Variants in SLC2A13 observed in about 807,000 individuals in gnomAD.
The protein encoded by SLC2A13 is solute carrier family 2 member 13, also known as proton myo-inositol cotransporter.
SLC2A13 carries 32 observed loss-of-function variants against 64.4 expected under a neutral mutation model. The ratio of observed to expected loss-of-function variants is 0.50; its 90% CI spans 0.37 to 0.67. The LOEUF is 0.67. Ranked by LOEUF, SLC2A13 falls within the 30% of genes least tolerant of loss-of-function variation. SLC2A13 has a pLI of 0.00. For missense variants in SLC2A13, 743 were observed against 829.2 expected, an observed-to-expected ratio of 0.90 and a Z score of 1.28; for synonymous variants, 338 against 327.1, an observed-to-expected ratio of 1.03 and a Z score of -0.36.
At chr12:39,760,650 G>A (rs1940101048) in intron 9 of SLC2A13, among the ~76,000 whole-genome samples, 1 of 151,796 alleles carries the variant, frequency 6.6e-6, no homozygotes, top group Non-Finnish European at 1.5e-5. Flanking sequence ...TTACACTAGA[G>A]GCACTTTGAG....
chr12:40,024,664 G>A (rs537021621), intron 3 of SLC2A13, among the ~76,000 whole-genome samples: 114 of 152,148 alleles, frequency 7.5e-4, no homozygotes, highest in African/African-American at 2.6e-3. Flanking sequence ...TATCCAATGA[G>A]AATGGACCAG....
At chr12:39,868,114 C>T (rs959997210) in intron 5 of SLC2A13, among the ~76,000 whole-genome samples, 10 of 152,082 alleles carry the variant, frequency 6.6e-5, no homozygotes, top group Admixed American at 3.3e-4. Flanking sequence ...TGGTTATTGT[C>T]AAGTTATTCA....
Position 39,926,352 on chromosome 12 carries a change from G to A in SLC2A13, c.1034+24905C>T, listed in dbSNP as rs538817741. Among the ~76,000 whole-genome samples the A allele has an allele frequency of 3.9e-5, 6 of 152,088 alleles. No individual in the cohort carries two copies. The South Asian group carries it at 1.0e-3, about 26-fold the overall frequency. Reference sequence around the variant, plus strand: ...GTTTACAGCCTCAGAAAGATCCAAGGCATGTTATCATATGTGCCTTCAAGA... The same window carrying A: ...GTTTACAGCCTCAGAAAGATCCAAGACATGTTATCATATGTGCCTTCAAGA... On this transcript the variant is annotated intron_variant, in intron 4 of 9. Coordinates refer to ENST00000280871, the MANE Select transcript of SLC2A13 (RefSeq NM_052885.4).
intron 2 of SLC2A13, among the ~76,000 whole-genome samples, chr12:40,042,624 G>C (rs1443588912): frequency 6.6e-6 from 1 of 152,016 alleles, no homozygotes; most frequent in Non-Finnish European, 1.5e-5. Flanking sequence ...TGCTAACTAA[G>C]AGTCCCTTCC....
chr12:40,048,619 C>T (rs1948204993), intron 1 of SLC2A13, among the ~76,000 whole-genome samples: 1 of 152,082 alleles, frequency 6.6e-6, no homozygotes, highest in South Asian at 2.1e-4. Context: ...TCTTAGGATA[C>T]ATATTAACTA....
chr12:39,769,634 C>G (rs1226868545), intron 7 of SLC2A13, among the ~76,000 whole-genome samples: 1 of 151,964 alleles, frequency 6.6e-6, no homozygotes, highest in Non-Finnish European at 1.5e-5. Flanking sequence ...GCATCTCATT[C>G]TCCTGCCTCC....
intron 2 of SLC2A13, among the ~76,000 whole-genome samples, chr12:40,043,850 G>A (rs945532624): frequency 6.6e-6 from 1 of 152,058 alleles, no homozygotes; most frequent in Non-Finnish European, 1.5e-5. Flanking sequence ...AATAACAAGT[G>A]TTTACTAGGA....
At chr12:40,024,597 A>G (rs929373969) in intron 3 of SLC2A13, among the ~76,000 whole-genome samples, 1 of 152,064 alleles carries the variant, frequency 6.6e-6, no homozygotes, top group Admixed American at 6.5e-5. Context: ...TTTCAAAGCA[A>G]TTACCATAAT....
rs1292179935 is a variant in SLC2A13, at chr12:39,757,436, T to C, written c.*2590A>G. The C allele has an allele frequency of 6.6e-6, 1 of 151,698 alleles. No individual in the cohort carries two copies. Among genetic ancestry groups the C allele is most frequent in the Non-Finnish European group, 1.5e-5 (1 of 67,678 alleles). The allele number at this position is 151,698 out of a possible 1,614,324, so 9.4% of individuals were successfully genotyped here. A position where few individuals can be genotyped will look rare whatever the true frequency, so the allele number is the denominator to read the frequency against. ...CTGGGAACTTAAAAGGTGCCTAATA[T>C]AAAAAAACCTGCAAAATTTAAACAT... On this transcript the variant is annotated 3_prime_UTR_variant, in exon 10 of 10. Coordinates refer to ENST00000280871, the MANE Select transcript of SLC2A13 (RefSeq NM_052885.4).
intron 6 of SLC2A13, among the ~76,000 whole-genome samples, chr12:39,862,190 A>C (rs1943781703): frequency 6.6e-6 from 1 of 152,154 alleles, no homozygotes; most frequent in South Asian, 2.1e-4. Context: ...AAAATATTCT[A>C]AAAAGGAGAT....
chr12:39,877,458 GA>G (rs1944216333), intron 4 of SLC2A13, among the ~76,000 whole-genome samples: 1 of 152,152 alleles, frequency 6.6e-6, no homozygotes, highest in Non-Finnish European at 1.5e-5. Flanking sequence ...GGTATTACAG[GA>G]GCTACAATTC....
At position 39,888,673 on chromosome 12, in the gene SLC2A13, ATTGT is replaced by A. The variant is rs1485008268; in HGVS notation, c.1035-16716_1035-16713del. Among the ~76,000 whole-genome samples the A allele has an allele frequency of 5.9e-5, 9 of 152,350 alleles. No homozygotes were observed. The East Asian group carries it at 1.5e-3, about 26-fold the overall frequency. On this transcript the variant is annotated intron_variant, in intron 4 of 9. Transcript: ENST00000280871. Reference sequence around the variant, plus strand: ...AGTACTAATTTCACTTTTTGTGAACATTGTTTGCTAATAATGTGATGTTTACAAT... The same window carrying A: ...AGTACTAATTTCACTTTTTGTGAACATTGCTAATAATGTGATGTTTACAAT...
intron 3 of SLC2A13, among the ~76,000 whole-genome samples, chr12:39,961,751 T>G (rs1946417561): frequency 6.6e-6 from 1 of 152,094 alleles, no homozygotes; most frequent in Non-Finnish European, 1.5e-5. Context: ...TCCTCCTGCC[T>G]CACCCTCCCA....
chr12:40,077,666 T>C (rs1938232376), intron 1 of SLC2A13, among the ~76,000 whole-genome samples: 1 of 152,192 alleles, frequency 6.6e-6, no homozygotes, highest in Non-Finnish European at 1.5e-5. Flanking sequence ...AATTTTAGAA[T>C]AGTTTTTTCT....
intron 2 of SLC2A13, among the ~76,000 whole-genome samples, chr12:40,042,395 A>G (rs1285229167): frequency 6.6e-6 from 1 of 152,196 alleles, no homozygotes; most frequent in Non-Finnish European, 1.5e-5. Context: ...AATCAGCATT[A>G]CCAAAGAGAA....
intron 4 of SLC2A13, among the ~76,000 whole-genome samples, chr12:39,901,990 C>G (rs1489564618): frequency 6.6e-6 from 1 of 151,998 alleles, no homozygotes; most frequent in Non-Finnish European, 1.5e-5. Context: ...GGCACATATA[C>G]ACCATGGAAT....
intron 3 of SLC2A13, among the ~76,000 whole-genome samples, chr12:39,951,716 T>G (rs1199146964): frequency 6.6e-6 from 1 of 152,198 alleles, no homozygotes; most frequent in Non-Finnish European, 1.5e-5. Context: ...TCAACTTTCT[T>G]GTCAATTAAG....
At chr12:39,884,356 C>T (rs763036229) in intron 4 of SLC2A13, among the ~76,000 whole-genome samples, 22 of 152,180 alleles carry the variant, frequency 1.4e-4, no homozygotes, top group Non-Finnish European at 2.9e-4. Context: ...ATAAAAGACC[C>T]TTTAATTTTT....
rs1555144633 is a variant in SLC2A13, at chr12:39,971,997, A to ATATAT, written c.926-20633_926-20632insATATA. ...GAGTGTCTCCAGAAAAAAAAAAAAA[A>ATATAT]ATATATATATATATATATTTTTTTT... On this transcript the variant is annotated intron_variant, in intron 3 of 9. Transcript: ENST00000280871. Among the ~76,000 whole-genome samples the ATATAT allele has an allele frequency of 5.7e-4, 44 of 77,350 alleles. 1 individual carries two copies. Among genetic ancestry groups the ATATAT allele is most frequent in the African/African-American group, 2.1e-3 (44 of 20,652 alleles). 50.7% of individuals were successfully genotyped at this position (77,350 alleles called of 152,430 possible).
Sources: allele counts gnomAD v4.1 joint callset (sites outside exome capture counted in the v4.1 genomes callset), GRCh38; gene constraint gnomAD v4.1.1; transcripts MANE v1.5; gene names NCBI Gene and HGNC (gene_info 2026-07-23, HGNC 2026-07-21).